The following EVC variants were observed in gnomAD, a reference collection of about 807,000 sequenced individuals.
EVC encodes EvC ciliary complex subunit 1.
A neutral mutation model predicts 118.9 loss-of-function variants in EVC; 116 were observed. That is an observed-to-expected ratio of 0.98 (90% CI 0.84 to 1.14). The LOEUF is 1.14. Among genes scored for constraint, EVC ranks in the 50% most tolerant of loss-of-function variants. The probability of loss-of-function intolerance (pLI) is 0.00; values close to 1 mark genes in which losing one functional copy is unlikely to be tolerated. For synonymous variants in EVC, 619 were observed against 534.7 expected (o/e 1.16, Z -2.18); for missense variants, 1,401 against 1,246.4 (o/e 1.12, Z -1.87).
chr4:5,828,457 G>T, the EVC span: 1 of 1,603,052 alleles, frequency 6.2e-7, no homozygotes. Flanking sequence ...CTGGTCCCAC[G>T]GGTGGGCCCG....
At chr4:5,809,440 G>C in intron 18 of EVC, 78 bp from the exon 19 acceptor site, 2 of 1,307,510 alleles carry the variant, frequency 1.5e-6, no homozygotes, top group Non-Finnish European at 2.2e-6. Context: ...TCAAGTGTCA[G>C]AATTCACTCA....
the EVC span, chr4:5,824,643 G>A: frequency 1.1e-6 from 1 of 936,452 alleles, no homozygotes; most frequent in African/African-American, 2.0e-5. Flanking sequence ...TTTTCAAATG[G>A]CTATTGAATA....
At chr4:5,782,106 C>T (rs773858901) in intron 11 of EVC, among the ~76,000 whole-genome samples, 4 of 152,102 alleles carry the variant, frequency 2.6e-5, no homozygotes, top group Non-Finnish European at 5.9e-5. Context: ...GAGATGGAGT[C>T]TCTCTCTGTC....
intron 11 of EVC, among the ~76,000 whole-genome samples, chr4:5,775,952 G>A (rs12651437): frequency 1.1e-4 from 16 of 151,868 alleles, no homozygotes; most frequent in Non-Finnish European, 1.5e-4. Flanking sequence ...TATTTAGGTC[G>A]TATTTAATTT....
At chr4:5,785,552 G>T (rs1181094338) in intron 12 of EVC, among the ~76,000 whole-genome samples, 3 of 152,208 alleles carry the variant, frequency 2.0e-5, no homozygotes, top group Admixed American at 2.0e-4. Context: ...GGGCCTAGTT[G>T]CCTGCCCGAA....
At chr4:5,735,460 T>C (rs1727509986) in intron 5 of EVC, among the ~76,000 whole-genome samples, 1 of 152,168 alleles carries the variant, frequency 6.6e-6, no homozygotes, top group African/African-American at 2.4e-5. Flanking sequence ...AAATATCCTT[T>C]CAGCTATTGC....
At chr4:5,822,400 C>T in the EVC span, among the ~76,000 whole-genome samples, 8 of 151,344 alleles carry the variant, frequency 5.3e-5, no homozygotes, top group African/African-American at 1.9e-4. Context: ...TGTGTGTGTA[C>T]ACATTTGTAT....
chr4:5,793,948 T>C (rs1432669040), intron 13 of EVC, among the ~76,000 whole-genome samples: 3 of 152,266 alleles, frequency 2.0e-5, no homozygotes, highest in Admixed American at 1.3e-4. Flanking sequence ...TTTTCAGGTA[T>C]AGTTTACATA....
intron 11 of EVC, among the ~76,000 whole-genome samples, chr4:5,782,043 A>G (rs1003278561): frequency 2.0e-5 from 3 of 152,038 alleles, no homozygotes; most frequent in African/African-American, 7.2e-5. Context: ...AAGAATTCCA[A>G]CTTGACCTGT....
At chr4:5,757,099 A>G (rs1267535629) in intron 11 of EVC, among the ~76,000 whole-genome samples, 1 of 152,008 alleles carries the variant, frequency 6.6e-6, no homozygotes, top group Non-Finnish European at 1.5e-5. Flanking sequence ...CAGTTTCCCC[A>G]TCTGTGAAAT....
chr4:5,826,030 A>G, the EVC span: 2 of 303,028 alleles, frequency 6.6e-6, no homozygotes, highest in Middle Eastern at 1.0e-3. Flanking sequence ...TAAATCACAT[A>G]CAGATCTTCA....
At position 5,798,999 on chromosome 4, in the gene EVC, G is replaced by T. The variant is rs1465141036; in HGVS notation, c.2304+207G>T. Among the ~76,000 whole-genome samples the T allele has an allele frequency of 2.6e-5, 4 of 152,100 alleles. No individual in the cohort carries two copies. The highest frequency in any genetic ancestry group is 7.2e-5 in the African/African-American group (3 of 41,416). On this transcript the variant is annotated intron_variant, in intron 15 of 20. Transcript: ENST00000264956. This position sits in a 1 kb window ranked among gnomAD's most constrained non-coding sequence, Gnocchi z 4.1. ...GAGGGGCAGTCGCAGCAGATCACCG[G>T]TTCTCCCCCTGCTGTTAGGCCCTGC...
At chr4:5,740,923 A>T (rs1455458050) in intron 5 of EVC, among the ~76,000 whole-genome samples, 1 of 152,250 alleles carries the variant, frequency 6.6e-6, no homozygotes, top group Non-Finnish European at 1.5e-5. Context: ...GCTAAAATAA[A>T]AAATAGTGAC....
intron 1 of EVC, among the ~76,000 whole-genome samples, chr4:5,716,170 G>T (rs1308749839): frequency 6.6e-6 from 1 of 152,230 alleles, no homozygotes; most frequent in Non-Finnish European, 1.5e-5. Context: ...ACCAAGCCAG[G>T]AGGACTAGGC....
Position 5,756,211 on chromosome 4 carries a change from A to C in EVC, c.1465-53A>C. 4 of 1,461,368 alleles carry C rather than the reference A, an allele frequency of 2.7e-6. No homozygotes were observed. The highest frequency in any genetic ancestry group is 3.8e-6 in the Non-Finnish European group (4 of 1,061,420). 90.5% of individuals were successfully genotyped at this position (1,461,368 alleles called of 1,614,324 possible). ...ATGGTTGGAGAACCTTCTGGAAAAA[A>C]AAAAAAAAACCCTGCATGTTTCTAC... is the stretch of plus-strand genomic sequence containing the variant. On this transcript the variant is annotated intron_variant, in intron 10 of 20. Coordinates refer to ENST00000264956, the MANE Select transcript of EVC (RefSeq NM_153717.3). This position sits in a 1 kb window ranked among gnomAD's most constrained non-coding sequence, Gnocchi z 4.2.
At chr4:5,730,530 G>T (rs28667895) in intron 3 of EVC, among the ~76,000 whole-genome samples, 25 of 151,850 alleles carry the variant, frequency 1.6e-4, no homozygotes, top group Admixed American at 1.4e-3. Context: ...TAGGCCCTGC[G>T]TGGGCCCTGG....
At position 5,808,315 on chromosome 4, in the gene EVC, G is replaced by A. The variant is rs761201243; in HGVS notation, c.2676G>A (p.Glu892=). Residue 892 remains glutamate (E), a synonymous_variant, in exon 18 of 21, where the codon GAG becomes GAA. Transcript: ENST00000264956. ...GVMDLLEAQL[E]TQLQEAEQNF... ...TGGACCTTCTGGAAGCCCAGCTGGAGACCCAGCTACAGGTACAAGTTACAG... is the reference window on the plus strand; with the variant it reads ...TGGACCTTCTGGAAGCCCAGCTGGAAACCCAGCTACAGGTACAAGTTACAG... The A allele has an allele frequency of 6.2e-7, 1 of 1,614,218 alleles. No homozygotes were observed. The highest frequency in any genetic ancestry group is 8.5e-7 in the Non-Finnish European group (1 of 1,180,050).
At chr4:5,809,445 C>T in intron 18 of EVC, 73 bp from the exon 19 acceptor site, 2 of 1,343,828 alleles carry the variant, frequency 1.5e-6, no homozygotes, top group South Asian at 1.2e-5. Flanking sequence ...TGTCAGAATT[C>T]ACTCACGTGG....
intron 8 of EVC, among the ~76,000 whole-genome samples, chr4:5,751,263 A>T (rs1437279462): frequency 6.6e-6 from 1 of 152,108 alleles, no homozygotes; most frequent in Non-Finnish European, 1.5e-5. Flanking sequence ...GGCACTGTTG[A>T]CTCAGCCACA....
Sources: allele counts gnomAD v4.1 joint callset (sites outside exome capture counted in the v4.1 genomes callset), GRCh38; gene constraint gnomAD v4.1.1; non-coding constraint Gnocchi (gnomAD v3.1); transcripts MANE v1.5; gene names NCBI Gene and HGNC (gene_info 2026-07-23, HGNC 2026-07-21).